WDR62: variants seen among roughly 807,000 people sequenced by gnomAD.
WDR62 encodes the protein WD repeat-containing protein 62.
In WDR62, 112 loss-of-function variants were observed where a neutral mutation model predicts 160.6. The observed-to-expected ratio is 0.70, with a 90% confidence interval of 0.60 to 0.82. The LOEUF (loss-of-function observed/expected upper bound fraction) is 0.82, where lower values mean the gene tolerates loss of function less well. WDR62 is among the 40% of genes least tolerant of loss of function. The probability of loss-of-function intolerance (pLI) is 0.00; values close to 1 mark genes in which losing one functional copy is unlikely to be tolerated. For synonymous variants in WDR62, 792 were observed against 815.1 expected (o/e 0.97, Z 0.48); for missense variants, 1,819 against 1,983.8 (o/e 0.92, Z 1.58).
At chr19:36,083,338 G>A in intron 11 of WDR62, 97 bp downstream of exon 11, 1 of 1,256,370 alleles carries the variant, frequency 8.0e-7, no homozygotes, top group Non-Finnish European at 1.1e-6. Context: ...ACCTCCTGCT[G>A]CCCATTGGGA....
At chr19:36,099,819 G>A (rs577720638) in intron 22 of WDR62, among the ~76,000 whole-genome samples, 1 of 152,336 alleles carries the variant, frequency 6.6e-6, no homozygotes, top group South Asian at 2.1e-4. Context: ...GTCACTTGGG[G>A]GTTAAGAGCT....
intron 30 of WDR62, 144 bp from the exon 31 acceptor site, chr19:36,104,374 C>A: frequency 1.9e-6 from 2 of 1,058,940 alleles, no homozygotes; most frequent in Middle Eastern, 2.6e-4. Context: ...GGAGCAGAGA[C>A]CTGTAGGAGT....
intron 7 of WDR62, among the ~76,000 whole-genome samples, chr19:36,069,517 G>A (rs982440319): frequency 2.0e-5 from 3 of 151,804 alleles, no homozygotes; most frequent in Admixed American, 1.3e-4. Flanking sequence ...TTGGGCAGCC[G>A]AGCAGAGGGG....
At chr19:36,086,323 C>A (rs1972229002) in intron 12 of WDR62, among the ~76,000 whole-genome samples, 1 of 152,094 alleles carries the variant, frequency 6.6e-6, no homozygotes, top group South Asian at 2.1e-4. Context: ...GGTGAGAGGA[C>A]ACTGGTTTTG....
chr19:36,067,953 G>C lies in WDR62; in HGVS notation c.825G>C (p.Ser275=). 2 of 1,614,122 alleles carry C rather than the reference G, an allele frequency of 1.2e-6. No homozygotes were observed. The highest frequency in any genetic ancestry group is 1.7e-6 in the Non-Finnish European group (2 of 1,180,008). The part of the protein sequence containing the change: ...MAGSTFCVSY[S]GLLCQFNEKR... The stretch of plus-strand genomic sequence containing the variant: ...GCAGTACCTTCTGTGTGTCCTACTC[G>C]GGCCTCCTCTGCCAGTTCAATGAGA... Residue 275 remains serine, a synonymous_variant, in exon 7 of 32, where the codon TCG becomes TCC. Transcript: ENST00000401500.
chr19:36,067,456 C>G lies in WDR62; in HGVS notation c.699+13C>G. 1 of 1,614,082 alleles carries G rather than the reference C, an allele frequency of 6.2e-7. No individual in the cohort carries two copies. Among genetic ancestry groups the G allele is most frequent in the Non-Finnish European group, 8.5e-7 (1 of 1,180,032 alleles). On this transcript the variant is annotated intron_variant, in intron 6 of 31. Transcript: ENST00000401500. The stretch of plus-strand genomic sequence containing the variant: ...CACTGAGACAAAGGTGAGTTTCTGT[C>G]CCTGCCCCTTTAGCCAGGCCCTGAG...
Position 36,098,575 on chromosome 19 carries a change from AAAAG to A in WDR62, c.2521-818_2521-815del, listed in dbSNP as rs777583204. Among the ~76,000 whole-genome samples, 12 of 152,088 alleles carry A rather than the reference AAAAG, an allele frequency of 7.9e-5. No homozygotes were observed. In the East Asian group the frequency reaches 1.2e-3, roughly 15 times the overall value. On this transcript the variant is annotated intron_variant, in intron 21 of 31. Transcript: ENST00000401500. ...TGAGACTCCCTCTCAAAAAAAAAAA[AAAAG>A]AAAGACAATGTGGATTATAAGAGAC...
intron 9 of WDR62, among the ~76,000 whole-genome samples, chr19:36,076,494 G>A (rs552377816): frequency 1.6e-4 from 24 of 151,550 alleles, no homozygotes; most frequent in East Asian, 9.6e-4. Context: ...GGAGGCAGAG[G>A]TTGCAGTAAG....
chr19:36,102,022 G>A lies in WDR62; in HGVS notation c.3091G>A (p.Gly1031Ser). ...CCCTCCTTCCCTGTCAGGATGCGCA[G>A]GTCCCACAGAAGATGAGCTGTCCCT... ...TSLPHFPGCA[G>S]PTEDELSLPE... The change falls in exon 26 of 32, where the codon GGT (glycine) becomes AGT (serine). Residue 1031 changes from glycine (G) to serine (S), a missense_variant. Transcript: ENST00000401500. 1 of 1,614,178 alleles carries A rather than the reference G, an allele frequency of 6.2e-7. No individual in the cohort carries two copies. The highest frequency in any genetic ancestry group is 8.5e-7 in the Non-Finnish European group (1 of 1,180,040).
At chr19:36,078,348 G>A (rs1025826572) in intron 9 of WDR62, among the ~76,000 whole-genome samples, 5 of 150,884 alleles carry the variant, frequency 3.3e-5, no homozygotes, top group South Asian at 2.1e-4. Flanking sequence ...CGGTTTCGCC[G>A]TGTTGGCCAG....
intron 9 of WDR62, among the ~76,000 whole-genome samples, chr19:36,074,496 C>CA (rs1224178471): frequency 1.3e-5 from 2 of 152,016 alleles, no homozygotes; most frequent in African/African-American, 4.8e-5. Context: ...CCCGGCTTTA[C>CA]AAAAAATACA....
intron 21 of WDR62, among the ~76,000 whole-genome samples, chr19:36,098,581 AAGAC>A (rs1022804480): frequency 1.3e-5 from 2 of 150,424 alleles, no homozygotes; most frequent in Admixed American, 6.6e-5. Context: ...AAAAAAAAGA[AAGAC>A]AATGTGGATT....
chr19:36,081,655 T>A, intron 10 of WDR62, 85 bp downstream of exon 10: 1 of 1,593,528 alleles, frequency 6.3e-7, no homozygotes, highest in Non-Finnish European at 8.6e-7. Context: ...GAGAGTCTGA[T>A]GGACCCTAGA....
intron 7 of WDR62, chr19:36,070,809 A>G (rs985076161): frequency 6.6e-6 from 1 of 152,292 alleles, no homozygotes; most frequent in Admixed American, 6.5e-5. Flanking sequence ...GAGGTCTAGC[A>G]CTTCCTAGTA....
At chr19:36,108,889 C>T (rs1325621975), downstream of WDR62, among the ~76,000 whole-genome samples, 1 of 151,472 alleles carries the variant, frequency 6.6e-6, no homozygotes, top group Non-Finnish European at 1.5e-5. Context: ...CCTAACCAAT[C>T]CCTGCTTATA....
chr19:36,102,351 C>A, intron 26 of WDR62, 200 bp downstream of exon 26: 2 of 720,056 alleles, frequency 2.8e-6, no homozygotes, highest in Non-Finnish European at 4.7e-6. Flanking sequence ...ACCTCCGACT[C>A]CCTGGTTCAA....
chr19:36,089,740 G>A (rs918505536), intron 15 of WDR62, among the ~76,000 whole-genome samples: 17 of 152,216 alleles, frequency 1.1e-4, no homozygotes, highest in African/African-American at 3.4e-4. Flanking sequence ...CACCGTGCCC[G>A]GCCACCAGCA....
chr19:36,059,907 G>T lies in WDR62; in HGVS notation c.270-61G>T, dbSNP rs986432795. 3 of 1,569,830 alleles carry T rather than the reference G, an allele frequency of 1.9e-6. No individual in the cohort carries two copies. The African/African-American group carries it at 4.1e-5, about 21-fold the overall frequency. On this transcript the variant is annotated intron_variant, in intron 2 of 31. Transcript: ENST00000401500. Reference sequence around the variant, plus strand: ...TTTGTGGGCTTTTCTGGTGGGAATAGAATCATCCCAGGACCCCAACACTCC... The same window carrying T: ...TTTGTGGGCTTTTCTGGTGGGAATATAATCATCCCAGGACCCCAACACTCC...
In WDR62 at chr19:36,100,514, A is replaced by G. The variant is rs62109758; in HGVS notation, c.2740-234A>G. ...TGGGTTTCCTATTCTTGAACTTGAT[A>G]TAAATAGACACGTAGAGGGTTGGGC... On this transcript the variant is annotated intron_variant, in intron 22 of 31. Transcript: ENST00000401500. Among the ~76,000 whole-genome samples the G allele has an allele frequency of 0.14, 21,042 of 152,242 alleles. 1,796 individuals carry two copies. Among genetic ancestry groups the G allele is most frequent in the Middle Eastern group, 0.24 (71 of 290 alleles).
Sources: allele counts gnomAD v4.1 joint callset (sites outside exome capture counted in the v4.1 genomes callset), GRCh38; gene constraint gnomAD v4.1.1; transcripts MANE v1.5; gene names NCBI Gene and HGNC (gene_info 2026-07-23, HGNC 2026-07-21).